The following CABP2 variants were observed in gnomAD, a reference collection of about 807,000 sequenced individuals.
The protein encoded by CABP2 is calcium binding protein 2.
CABP2 carries 25 observed loss-of-function variants against 28.6 expected under a neutral mutation model. The observed-to-expected ratio is 0.87, with a 90% CI of 0.64 to 1.22. The LOEUF (loss-of-function observed/expected upper bound fraction) is 1.22, where lower values mean the gene tolerates loss of function less well. Ranked by LOEUF, CABP2 falls within the 50% of genes most tolerant of loss-of-function variation. CABP2 has a pLI of 0.00. For synonymous variants in CABP2, 138 were observed against 126.0 expected, an observed-to-expected ratio of 1.09 and a Z score of -0.64; for missense variants, 310 against 312.2, an observed-to-expected ratio of 0.99 and a Z score of 0.05.
In CABP2 at chr11:67,519,798, A is replaced by G. The variant is rs770128042; in HGVS notation, c.632T>C (p.Phe211Ser). Residue 211 changes from phenylalanine (F) to serine (S), a missense_variant, in exon 6 of 7, where the codon TTC becomes TCC. Coordinates refer to ENST00000294288, the MANE Select transcript of CABP2 (RefSeq NM_016366.3). ...CTATGTGCGGCAGGGGGTACCTTCG[A>G]AGTCGACCAGACCGTCCCCATTGAG... ...VDLNGDGLVD[F>S]EEFVRMMSR 1 of 1,613,800 alleles carries G rather than the reference A, an allele frequency of 6.2e-7. No individual in the cohort carries two copies. The highest frequency in any genetic ancestry group is 1.1e-5 in the South Asian group (1 of 91,072).
intron 3 of CABP2, among the ~76,000 whole-genome samples, chr11:67,521,638 C>T (rs1213489328): frequency 1.3e-5 from 2 of 152,180 alleles, no homozygotes; most frequent in Non-Finnish European, 2.9e-5. Context: ...GGCCATGTTT[C>T]CCAGTGCTCA....
chr11:67,522,424 G>T, intron 2 of CABP2, 122 bp downstream of exon 2: 1 of 1,015,590 alleles, frequency 9.8e-7, no homozygotes, highest in African/African-American at 1.6e-5. Flanking sequence ...CTTCCCCCTA[G>T]CTCCAGGAGA....
chr11:67,519,294 A>T, intron 6 of CABP2, 130 bp from the exon 7 acceptor site: 1 of 843,024 alleles, frequency 1.2e-6, no homozygotes, highest in East Asian at 2.5e-5. Flanking sequence ...TCTGGATCTG[A>T]TAGGGAATAG....
At chr11:67,520,879 G>GGCAGAGA (rs1288068954) in intron 4 of CABP2, 146 bp downstream of exon 4, 1 of 833,440 alleles carries the variant, frequency 1.2e-6, no homozygotes, top group Non-Finnish European at 1.9e-6. Flanking sequence ...ATTCTCCAGA[G>GGCAGAGA]GCAGAGAGCT....
intron 6 of CABP2, 49 bp downstream of exon 6, chr11:67,519,744 C>G (rs1485254854): frequency 2.5e-6 from 4 of 1,594,098 alleles, no homozygotes; most frequent in Non-Finnish European, 3.4e-6. Context: ...GGTTTCTTAT[C>G]TGCTAGGACC....
intron 4 of CABP2, among the ~76,000 whole-genome samples, chr11:67,520,593 T>C (rs1159965399): frequency 2.0e-5 from 3 of 152,028 alleles, no homozygotes; most frequent in Non-Finnish European, 2.9e-5. Flanking sequence ...AGGAGGCAGA[T>C]GTTGCAGTGA....
chr11:67,520,806 T>TTGCC (rs1379617459), intron 4 of CABP2, among the ~76,000 whole-genome samples: 3 of 152,242 alleles, frequency 2.0e-5, no homozygotes, highest in Middle Eastern at 3.2e-3. Context: ...AGCCATTCAG[T>TTGCC]TGCCTCATCT....
Position 67,520,099 on chromosome 11 carries a change from C to G in CABP2, c.441G>C (p.Glu147Asp), listed in dbSNP as rs1398928463. 4 of 1,613,866 alleles carry G rather than the reference C, an allele frequency of 2.5e-6. No homozygotes were observed. In the African/African-American group the frequency reaches 5.3e-5, roughly 22 times the overall value. Residue 147 changes from glutamate to aspartate, a missense_variant, in exon 5 of 7, where the codon GAG becomes GAC. Glu to Asp is a conservative substitution (Grantham distance 45, BLOSUM62 2). Transcript: ENST00000294288. ...VELMGPKLLA[E>D]TADMIGVREL... ...CCCGGACACCGATCATGTCTGCCGT[C>G]TCTGCCAGCAGCTTGGGGCCCATCA...
chr11:67,519,902 C>A lies in CABP2; in HGVS notation c.528G>T (p.Glu176Asp), dbSNP rs1424660057. 5 of 1,611,776 alleles carry A rather than the reference C, an allele frequency of 3.1e-6. No homozygotes were observed. In the African/African-American group the frequency reaches 5.3e-5, roughly 17 times the overall value. Residue 176 changes from glutamate to aspartate, a missense_variant, in exon 6 of 7, where the codon GAG becomes GAT. Coordinates refer to ENST00000294288, the MANE Select transcript of CABP2 (RefSeq NM_016366.3). ...TNGDGRISVG[E>D]LRAALKALLG... is the part of the protein sequence containing the mutation. ...GCAGGGCCTTGAGGGCCGCCCGGAG[C>A]TCGCCCACGCTGATGCGGCCGTCCC...
At position 67,521,124 on chromosome 11, in the gene CABP2, G is replaced by C. The variant is rs139895134; in HGVS notation, c.280C>G (p.Arg94Gly). Residue 94 changes from arginine to glycine, a missense_variant, in exon 4 of 7, where the codon CGG becomes GGG. Coordinates refer to ENST00000294288, the MANE Select transcript of CABP2 (RefSeq NM_016366.3). ...TCCCGGCAGCCAATGTAGCCGTCCC[G>C]GTCTCGGTCAAACTCCTGGAAGGCG... is the stretch of plus-strand genomic sequence containing the variant. ...QVAFQEFDRD[R>G]DGYIGCRELG... 2,105 of 1,613,428 alleles carry C rather than the reference G, an allele frequency of 1.3e-3. 31 individuals carry two copies. The African/African-American group carries it at 0.025, about 19-fold the overall frequency.
intron 1 of CABP2, 36 bp from the exon 2 acceptor site, chr11:67,522,752 C>A (rs563093953): frequency 1.4e-6 from 2 of 1,450,470 alleles, no homozygotes; most frequent in Non-Finnish European, 1.8e-6. Flanking sequence ...GGGCAGTGGC[C>A]GCTGAGCTCT....
At chr11:67,522,050 C>T in intron 2 of CABP2, 68 bp from the exon 3 acceptor site, 3 of 1,427,188 alleles carry the variant, frequency 2.1e-6, no homozygotes, top group Non-Finnish European at 2.9e-6. Context: ...TTCTTGCTTC[C>T]CGGGGCTCCC....
Position 67,521,049 on chromosome 11 carries a change from G to A in CABP2, c.355C>T (p.Leu119Phe), listed in dbSNP as rs371444406. 10 of 1,613,908 alleles carry A rather than the reference G, an allele frequency of 6.2e-6. No individual in the cohort carries two copies. Among genetic ancestry groups the A allele is most frequent in the African/African-American group, 1.3e-5 (1 of 74,884 alleles). ...CTGATTTGTTGTGAGATCTCGATGAGCTCCATCTCGGTGGGCATGTAGCCC... is the reference window on the plus strand; with the variant it reads ...CTGATTTGTTGTGAGATCTCGATGAACTCCATCTCGGTGGGCATGTAGCCC... Reference protein sequence around the residue: ...TLGYMPTEMELIEISQQISGG... With the variant: ...TLGYMPTEMEFIEISQQISGG... Residue 119 changes from leucine to phenylalanine, a missense_variant, in exon 4 of 7, where the codon CTC (leucine) becomes TTC (phenylalanine). Transcript: ENST00000294288.
Position 67,523,330 on chromosome 11 carries a change from C to A in CABP2, c.-4G>T, listed in dbSNP as rs945572363. 1.3e-6 allele frequency: 2 copies of A among 1,551,546 alleles called. No individual in the cohort carries two copies. Among genetic ancestry groups the A allele is most frequent in the African/African-American group, 2.7e-5 (2 of 73,318 alleles). On this transcript the variant is annotated 5_prime_UTR_variant, in exon 1 of 7. Coordinates refer to ENST00000294288, the MANE Select transcript of CABP2 (RefSeq NM_016366.3). ...GCCGCTTGGCACAGTTCCCCATGGG[C>A]CCTGAACCATGCCAGGCCTGGAACC...
intron 3 of CABP2, 26 bp from the exon 4 acceptor site, chr11:67,521,185 T>C: frequency 1.2e-6 from 2 of 1,605,816 alleles, no homozygotes; most frequent in Non-Finnish European, 8.5e-7. Context: ...GGGTCAGTCC[T>C]TCCCCCACAA....
Position 67,522,639 on chromosome 11 carries a change from G to T in CABP2, c.120C>A (p.Asp40Glu). ...SPSSSPKEQG[D>E]PAPGVQGYSV... is the part of the protein sequence containing the mutation. ...AGTAGCCCTGGACGCCTGGCGCGGG[G>T]TCCCCCTGCTCCTTGGGGCTGGAGC... The change falls in exon 2 of 7, where the codon GAC (aspartate) becomes GAA (glutamate). Residue 40 changes from aspartate (D) to glutamate (E), a missense_variant. Transcript: ENST00000294288. 6.5e-7 allele frequency: 1 copy of T among 1,547,348 alleles called. No individual in the cohort carries two copies. The highest frequency in any genetic ancestry group is 8.7e-7 in the Non-Finnish European group (1 of 1,145,256).
intron 6 of CABP2, 83 bp from the exon 7 acceptor site, chr11:67,519,247 G>A: frequency 6.8e-7 from 1 of 1,460,654 alleles, no homozygotes; most frequent in Non-Finnish European, 9.6e-7. Context: ...TGGGGCGGGT[G>A]GGAGTGTGGT....
intron 4 of CABP2, 123 bp downstream of exon 4, chr11:67,520,902 G>A: frequency 9.3e-7 from 1 of 1,077,374 alleles, no homozygotes; most frequent in Non-Finnish European, 1.4e-6. Context: ...CCTTGAGAAT[G>A]ACCAAGGTCA....
rs748521430 is a variant in CABP2, at chr11:67,519,933, G to A, written c.497C>T (p.Thr166Ile). The change falls in exon 6 of 7, where the codon ACC becomes ATC. Residue 166 changes from threonine (T) to isoleucine (I), a missense_variant. By Grantham distance (89) the Thr-to-Ile change is moderately conservative. Transcript: ENST00000294288. ...ELRDAFREFD[T>I]NGDGRISVGE... is the part of the protein sequence containing the mutation. The stretch of plus-strand genomic sequence containing the variant: ...CACGCTGATGCGGCCGTCCCCATTG[G>A]TGTCGAACTGTGGCGGCGTTGGTTG... 6.2e-7 allele frequency: 1 copy of A among 1,606,872 alleles called. No individual in the cohort carries two copies. The highest frequency in any genetic ancestry group is 2.2e-5 in the East Asian group (1 of 44,788).
Sources: allele counts gnomAD v4.1 joint callset (sites outside exome capture counted in the v4.1 genomes callset), GRCh38; gene constraint gnomAD v4.1.1; transcripts MANE v1.5; gene names NCBI Gene and HGNC (gene_info 2026-07-23, HGNC 2026-07-21).